Variants in LRP1 observed in about 807,000 individuals in gnomAD.
LRP1 encodes the protein LDL receptor related protein 1.
Under a neutral mutation model 541.5 loss-of-function variants are expected in LRP1, and 51 were observed. The observed-to-expected ratio is 0.09, with a 90% CI of 0.08 to 0.12. The LOEUF (loss-of-function observed/expected upper bound fraction) is 0.12, where lower values mean the gene tolerates loss of function less well. LRP1 is among the 10% of genes least tolerant of loss of function. LRP1 has a pLI of 1.00. For synonymous variants in LRP1, 2,219 were observed against 2,470.8 expected (o/e 0.90, Z 3.02); for missense variants, 3,878 against 6,376.2 (o/e 0.61, Z 13.34).
intron 19 of LRP1, 130 bp from the exon 20 acceptor site, chr12:57,169,010 G>A: frequency 1.4e-6 from 1 of 723,564 alleles, no homozygotes. Flanking sequence ...TTTTCTGTTT[G>A]TTATTTTCCC....
chr12:57,199,412 A>C lies in LRP1; in HGVS notation c.9865+12A>C. 1 of 1,604,426 alleles carries C rather than the reference A, an allele frequency of 6.2e-7. No homozygotes were observed. The highest frequency in any genetic ancestry group is 8.5e-7 in the Non-Finnish European group (1 of 1,176,224). On this transcript the variant is annotated intron_variant, in intron 61 of 88. Transcript: ENST00000243077. ...GCGCCAGCCAGACGGTGAGCAGGCA[A>C]GGGGTGGGAGCAGGCGAACGGTGAG...
At chr12:57,144,308 T>G (rs1268210016) in intron 4 of LRP1, among the ~76,000 whole-genome samples, 1 of 152,172 alleles carries the variant, frequency 6.6e-6, no homozygotes, top group African/African-American at 2.4e-5. Flanking sequence ...CAATTTTTTT[T>G]TCTGTGTTAA....
Position 57,156,376 on chromosome 12 carries a change from G to C in LRP1, c.1417+93G>C. The C allele has an allele frequency of 7.7e-7, 1 of 1,297,678 alleles. No homozygotes were observed. Among genetic ancestry groups the C allele is most frequent in the East Asian group, 2.5e-5 (1 of 40,446 alleles). The allele number at this position is 1,297,678 out of a possible 1,614,324, so 80.4% of individuals were successfully genotyped here. ...ACAGCCCCTCTCTGGGCCCTCCTGT[G>C]GGGACCCTGGCTTCTTTCATGTCAT... On this transcript the variant is annotated intron_variant, in intron 9 of 88. Coordinates refer to ENST00000243077, the MANE Select transcript of LRP1 (RefSeq NM_002332.3). The surrounding 1 kb of genome is among the most constrained non-coding windows in gnomAD (Gnocchi z 5.2).
At chr12:57,174,021 G>T in intron 22 of LRP1, 41 bp downstream of exon 22, 1 of 1,597,032 alleles carries the variant, frequency 6.3e-7, no homozygotes, top group Non-Finnish European at 8.5e-7. Flanking sequence ...AGGGTGGCTG[G>T]GTAGGAGTCT....
chr12:57,194,046 T>C, intron 48 of LRP1, 34 bp downstream of exon 48: 1 of 1,576,922 alleles, frequency 6.3e-7, no homozygotes, highest in Non-Finnish European at 8.7e-7. Context: ...CCTCCTGGGC[T>C]CCTCCCCATC....
chr12:57,190,770 C>A, intron 42 of LRP1, 35 bp from the exon 43 acceptor site: 1 of 1,595,808 alleles, frequency 6.3e-7, no homozygotes, highest in Non-Finnish European at 8.6e-7. Context: ...GATTCTCAGG[C>A]TTTGCCTCCT....
intron 67 of LRP1, 80 bp from the exon 68 acceptor site, chr12:57,202,341 G>T: frequency 8.6e-7 from 1 of 1,163,300 alleles, no homozygotes. Context: ...TCCCTGCCAG[G>T]CCAGCCTGAC....
In LRP1 at chr12:57,205,623, C is replaced by A. The variant is rs1420982616; in HGVS notation, c.11536C>A (p.Leu3846Ile). 6.2e-7 allele frequency: 1 copy of A among 1,613,734 alleles called. No individual in the cohort carries two copies. Among genetic ancestry groups the A allele is most frequent in the South Asian group, 1.1e-5 (1 of 91,088 alleles). ...CTGCAACAACACCAAGGGCGGCCAC[C>A]TCTGCAGCTGCGCTCGGAACTTCAT... Reference protein sequence around the residue: ...QLCNNTKGGHLCSCARNFMKT... With the variant: ...QLCNNTKGGHICSCARNFMKT... The change falls in exon 75 of 89, where the codon CTC (leucine) becomes ATC (isoleucine). Residue 3846 changes from leucine (L) to isoleucine (I), a missense_variant. By Grantham distance (5) the Leu-to-Ile change is conservative. Transcript: ENST00000243077. This position sits in a 1 kb window ranked among gnomAD's most constrained non-coding sequence, Gnocchi z 4.6.
Position 57,162,593 on chromosome 12 carries a change from C to A in LRP1, c.2404+75C>A. ...ACTTAGGCATTGATTTGAGACTTCCCTGGGAGTGAAGGCACTTCCCAGGGA... is the reference window on the plus strand; with the variant it reads ...ACTTAGGCATTGATTTGAGACTTCCATGGGAGTGAAGGCACTTCCCAGGGA... On this transcript the variant is annotated intron_variant, in intron 14 of 88. Coordinates refer to ENST00000243077, the MANE Select transcript of LRP1 (RefSeq NM_002332.3). The surrounding 1 kb of genome is among the most constrained non-coding windows in gnomAD (Gnocchi z 5.2). The A allele has an allele frequency of 6.5e-7, 1 of 1,544,744 alleles. No individual in the cohort carries two copies.
At chr12:57,149,878 C>T (rs897926433) in intron 6 of LRP1, 2 of 649,496 alleles carry the variant, frequency 3.1e-6, no homozygotes, top group African/African-American at 3.6e-5. Flanking sequence ...TCCGCCATCT[C>T]TCCCAGGCCC....
At chr12:57,174,096 G>A (rs1351556419) in intron 22 of LRP1, 116 bp downstream of exon 22, 33 of 1,073,626 alleles carry the variant, frequency 3.1e-5, no homozygotes, top group African/African-American at 6.2e-5. Flanking sequence ...CCGGGCAGGC[G>A]AGCAGCACCC....
rs142447706 is a variant in LRP1, at chr12:57,171,627, G to A, written c.3164-1541G>A. ...GTGCTGTGATGTAGGAGGTGATTTC[G>A]GAACACAGCCCTAGAGGAAGATTAG... On this transcript the variant is annotated intron_variant, in intron 20 of 88. Coordinates refer to ENST00000243077, the MANE Select transcript of LRP1 (RefSeq NM_002332.3). Among the ~76,000 whole-genome samples the A allele has an allele frequency of 3.5e-4, 54 of 152,250 alleles. 1 individual carries two copies. In the East Asian group the frequency reaches 7.3e-3, roughly 21 times the overall value.
chr12:57,175,777 G>C, intron 23 of LRP1, 72 bp downstream of exon 23: 1 of 1,548,978 alleles, frequency 6.5e-7, no homozygotes, highest in Non-Finnish European at 8.7e-7. Flanking sequence ...GGGCTTGGTG[G>C]CCAGGTGCCA....
intron 33 of LRP1, 42 bp downstream of exon 33, chr12:57,180,849 CA>C: frequency 3.7e-6 from 6 of 1,608,778 alleles, no homozygotes; most frequent in Non-Finnish European, 5.1e-6. Context: ...TCAGGGGCAA[CA>C]GGGGAGCCGT....
At position 57,194,517 on chromosome 12, in the gene LRP1, G is replaced by A; in HGVS notation, c.8068+14G>A. On this transcript the variant is annotated intron_variant, in intron 49 of 88. Coordinates refer to ENST00000243077, the MANE Select transcript of LRP1 (RefSeq NM_002332.3). ...GCGACTGCCCAGGTGGGCGGGGGCA[G>A]GTGTGTGGTGGGTGGTGGCCTGCGG... The A allele has an allele frequency of 6.2e-7, 1 of 1,610,336 alleles. No individual in the cohort carries two copies. Among genetic ancestry groups the A allele is most frequent in the East Asian group, 2.2e-5 (1 of 44,840 alleles).
intron 77 of LRP1, chr12:57,208,444 G>T (rs1052679775): frequency 1.2e-5 from 7 of 604,460 alleles, no homozygotes; most frequent in African/African-American, 1.1e-4. Flanking sequence ...ACCTCTGCTT[G>T]GCCGGCTGTC....
In LRP1 at chr12:57,162,625, G is replaced by A. The variant is rs2035759727; in HGVS notation, c.2404+107G>A. 7.5e-7 allele frequency: 1 copy of A among 1,336,566 alleles called. No individual in the cohort carries two copies. Among genetic ancestry groups the A allele is most frequent in the South Asian group, 1.3e-5 (1 of 78,984 alleles). The allele number at this position is 1,336,566 out of a possible 1,614,324, so 82.8% of individuals were successfully genotyped here. A position where few individuals can be genotyped will look rare whatever the true frequency, so the allele number is the denominator to read the frequency against. On this transcript the variant is annotated intron_variant, in intron 14 of 88. Coordinates refer to ENST00000243077, the MANE Select transcript of LRP1 (RefSeq NM_002332.3). This position sits in a 1 kb window ranked among gnomAD's most constrained non-coding sequence, Gnocchi z 5.2. ...TGAAGGCACTTCCCAGGGATCCTAG[G>A]CTCTGACTTTTGAGGATCCTGAGAA...
chr12:57,192,824 G>A (rs113606238), intron 44 of LRP1, 21 bp from the exon 45 acceptor site: 56 of 1,613,726 alleles, frequency 3.5e-5, no homozygotes, highest in African/African-American at 2.5e-4. Context: ...CCAGCCCTGC[G>A]CCCACCCTGT....
At position 57,129,053 on chromosome 12, in the gene LRP1, C is replaced by G. The variant is rs904062987; in HGVS notation, c.67+22C>G. On this transcript the variant is annotated intron_variant, in intron 1 of 88. Transcript: ENST00000243077. The stretch of plus-strand genomic sequence containing the variant: ...GACGGTGAGTGAGATTCCGCGTCCC[C>G]CTTGGACCCCTGGGGGCACCCTCTC... The G allele has an allele frequency of 5.2e-6, 8 of 1,551,248 alleles. No homozygotes were observed. In the Admixed American group the frequency reaches 1.4e-4, roughly 27 times the overall value.
Sources: gnomAD v4.1 joint callset for allele counts (sites outside exome capture counted in the v4.1 genomes callset) on GRCh38, gnomAD v4.1.1 for gene constraint, Gnocchi (gnomAD v3.1) non-coding constraint, MANE v1.5 for transcripts, NCBI Gene and HGNC (gene_info 2026-07-23, HGNC 2026-07-21) for gene names.